Variants in WDR93 observed in about 807,000 individuals in gnomAD.
WDR93 encodes WD repeat domain 93.
Under a neutral mutation model 82.9 loss-of-function variants are expected in WDR93, and 73 were observed. That is an observed-to-expected ratio of 0.88 (90% CI 0.73 to 1.07). The LOEUF is 1.07. WDR93 is among the 50% of genes least tolerant of loss of function. WDR93 has a pLI of 0.00. For missense variants in WDR93, 738 were observed against 826.0 expected (o/e 0.89, Z 1.31); for synonymous variants, 283 against 300.1 (o/e 0.94, Z 0.59).
intron 16 of WDR93, among the ~76,000 whole-genome samples, chr15:89,740,279 A>C (rs1967553412): frequency 6.6e-6 from 1 of 152,084 alleles, no homozygotes; most frequent in Non-Finnish European, 1.5e-5. Context: ...TCATACCTGC[A>C]CTTAACAGGG....
intron 1 of WDR93, among the ~76,000 whole-genome samples, chr15:89,698,792 T>G (rs899793297): frequency 6.6e-6 from 1 of 152,184 alleles, no homozygotes; most frequent in African/African-American, 2.4e-5. Context: ...TTAAAGAGAT[T>G]TAAATAATAA....
intron 5 of WDR93, among the ~76,000 whole-genome samples, chr15:89,712,396 C>CTTT (rs1170109589): frequency 0.35 from 27,716 of 80,242 alleles, 6,451 homozygotes; most frequent in Non-Finnish European, 0.4. Flanking sequence ...TTCCACTAAT[C>CTTT]TTTTTTTTTT....
At chr15:89,692,886 G>A (rs1964971528) in intron 1 of WDR93, among the ~76,000 whole-genome samples, 1 of 151,108 alleles carries the variant, frequency 6.6e-6, no homozygotes, top group South Asian at 2.1e-4. Context: ...GGGATTACAG[G>A]TGTGAGCCAC....
intron 1 of WDR93, among the ~76,000 whole-genome samples, chr15:89,696,817 C>T (rs970024878): frequency 1.3e-5 from 2 of 151,774 alleles, no homozygotes; most frequent in African/African-American, 4.8e-5. Flanking sequence ...AATGGGATTG[C>T]TGGGTCATAT....
chr15:89,743,371 A>G lies in WDR93; in HGVS notation c.2041A>G (p.Arg681Gly). ...RLQRYSLSLQ[R>G]ENFKK ...TCAGAGGTACTCCTTGTCGCTCCAG[A>G]GAGAGAACTTCAAGAAGTGAGGCTG... Residue 681 changes from arginine to glycine, a missense_variant, in exon 17 of 17, where the codon AGA (arginine) becomes GGA (glycine). Physicochemically the swap from Arg to Gly is moderately radical, Grantham distance 125 (BLOSUM62 -2). Transcript: ENST00000268130. 6.2e-7 allele frequency: 1 copy of G among 1,614,104 alleles called. No homozygotes were observed. Among genetic ancestry groups the G allele is most frequent in the Non-Finnish European group, 8.5e-7 (1 of 1,180,016 alleles).
At chr15:89,735,412 G>T (rs1158008477) in intron 13 of WDR93, 78 bp from the exon 14 acceptor site, 13 of 1,436,258 alleles carry the variant, frequency 9.1e-6, no homozygotes, top group Admixed American at 3.4e-5. Context: ...ATTTCTCCAG[G>T]ATATATGCCT....
chr15:89,703,166 T>C (rs762349964), intron 3 of WDR93, 24 bp downstream of exon 3: 15 of 1,613,470 alleles, frequency 9.3e-6, no homozygotes, highest in Middle Eastern at 1.6e-4. Flanking sequence ...TCTTCCTTTT[T>C]AGCCTCATTT....
chr15:89,714,612 A>G (rs183625851), intron 5 of WDR93, among the ~76,000 whole-genome samples: 1 of 152,282 alleles, frequency 6.6e-6, no homozygotes, highest in Non-Finnish European at 1.5e-5. Context: ...GTGAGCCGCC[A>G]TGCCCGGCCC....
chr15:89,727,260 G>C lies in WDR93; in HGVS notation c.984G>C (p.Gln328His). The C allele has an allele frequency of 1.2e-6, 2 of 1,614,170 alleles. No individual in the cohort carries two copies. The highest frequency in any genetic ancestry group is 1.7e-6 in the Non-Finnish European group (2 of 1,180,020). ...TCATCAAGGACAGTCAGTGGGAGCA[G>C]CAAGCTGAGATCTTCAACGCTTCCT... ...NHFIKDSQWE[Q>H]QAEIFNASYK... Residue 328 changes from glutamine (Q) to histidine (H), a missense_variant, in exon 9 of 17, where the codon CAG becomes CAC. By Grantham distance (24) the Gln-to-His change is conservative. Coordinates refer to ENST00000268130, the MANE Select transcript of WDR93 (RefSeq NM_020212.2).
Position 89,737,656 on chromosome 15 carries a change from A to T in WDR93, c.1692A>T (p.Gly564=). ...TCATCTGTGCCTTTGCCCCTCCGGG[A>T]GCCTTTCCTCTGGAGGTCCCCTGGA... ...REIICAFAPP[G]AFPLEVPWKP... Residue 564 remains glycine, a synonymous_variant, in exon 15 of 17, where the codon GGA becomes GGT. Coordinates refer to ENST00000268130, the MANE Select transcript of WDR93 (RefSeq NM_020212.2). 1 of 1,614,080 alleles carries T rather than the reference A, an allele frequency of 6.2e-7. No homozygotes were observed. Among genetic ancestry groups the T allele is most frequent in the Non-Finnish European group, 8.5e-7 (1 of 1,180,018 alleles).
At chr15:89,728,885 T>C in intron 9 of WDR93, 138 bp from the exon 10 acceptor site, 1 of 765,638 alleles carries the variant, frequency 1.3e-6, no homozygotes, top group East Asian at 2.5e-5. Flanking sequence ...ACCTAGAATG[T>C]GATGTGCTTC....
intron 1 of WDR93, among the ~76,000 whole-genome samples, chr15:89,693,875 G>T (rs1005474976): frequency 3.9e-5 from 6 of 152,222 alleles, no homozygotes; most frequent in African/African-American, 1.4e-4. Flanking sequence ...AATCTTAGAG[G>T]TTTTTCTGGA....
intron 5 of WDR93, among the ~76,000 whole-genome samples, chr15:89,714,550 G>A (rs1966154368): frequency 6.6e-6 from 1 of 152,128 alleles, no homozygotes; most frequent in South Asian, 2.1e-4. Flanking sequence ...GAGAACTCCT[G>A]ACTGCAGGTG....
intron 14 of WDR93, among the ~76,000 whole-genome samples, 162 bp from the exon 15 acceptor site, chr15:89,737,411 T>C (rs1967290488): frequency 6.6e-6 from 1 of 152,104 alleles, no homozygotes; most frequent in Non-Finnish European, 1.5e-5. Context: ...CACACATGTG[T>C]GTGCAGGTCT....
chr15:89,737,440 T>C, intron 14 of WDR93, 133 bp from the exon 15 acceptor site: 1 of 1,231,642 alleles, frequency 8.1e-7, no homozygotes, highest in South Asian at 1.4e-5. Context: ...CCTGGATGGA[T>C]CCAGAGGCTG....
In WDR93 at chr15:89,696,101, G is replaced by T. The variant is rs150997307; in HGVS notation, c.-41+5244G>T. 9.6e-3 allele frequency among the ~76,000 whole-genome samples: 1,464 copies of T among 152,074 alleles called. 17 individuals are homozygous for T. The highest frequency in any genetic ancestry group is 0.011 in the Non-Finnish European group (765 of 67,982). ...CAAAGTGCTGAGATTACAGACATGA[G>T]CCACCATGCCCAGCCATGCTGTCCT... On this transcript the variant is annotated intron_variant, in intron 1 of 16. Transcript: ENST00000268130.
At chr15:89,698,723 A>G (rs994366095) in intron 1 of WDR93, among the ~76,000 whole-genome samples, 1 of 151,878 alleles carries the variant, frequency 6.6e-6, no homozygotes, top group Non-Finnish European at 1.5e-5. Context: ...TTTTCTTTAC[A>G]TATGTTATTA....
intron 1 of WDR93, among the ~76,000 whole-genome samples, chr15:89,698,031 C>G (rs1479430480): frequency 6.6e-6 from 1 of 151,808 alleles, no homozygotes; most frequent in Non-Finnish European, 1.5e-5. Flanking sequence ...AGGCGCCTAC[C>G]ACCACGCCCG....
At chr15:89,703,275 G>A in intron 3 of WDR93, 133 bp downstream of exon 3, 2 of 896,780 alleles carry the variant, frequency 2.2e-6, no homozygotes, top group Non-Finnish European at 1.8e-6. Context: ...GTAACTATAT[G>A]TACAGAACAG....
Sources: allele counts gnomAD v4.1 joint callset (sites outside exome capture counted in the v4.1 genomes callset), GRCh38; gene constraint gnomAD v4.1.1; transcripts MANE v1.5; gene names NCBI Gene and HGNC (gene_info 2026-07-23, HGNC 2026-07-21).